CYP4F11: variants seen among roughly 807,000 people sequenced by gnomAD.
The protein encoded by CYP4F11 is cytochrome P450 4F11.
A neutral mutation model predicts 62.2 loss-of-function variants in CYP4F11; 79 were observed. The observed-to-expected ratio is 1.27, with a 90% CI of 1.06 to 1.53. The LOEUF (loss-of-function observed/expected upper bound fraction) is 1.53. Ranked by LOEUF, CYP4F11 falls within the 40% of genes most tolerant of loss-of-function variation. The pLI is 0.00. For missense variants in CYP4F11, 777 were observed against 680.5 expected, an observed-to-expected ratio of 1.14 and a Z score of -1.58; for synonymous variants, 290 against 263.7, an observed-to-expected ratio of 1.10 and a Z score of -0.97.
chr19:15,921,736 G>GA (rs1042332608), intron 8 of CYP4F11, among the ~76,000 whole-genome samples: 6 of 152,130 alleles, frequency 3.9e-5, no homozygotes, highest in South Asian at 2.1e-4. Context: ...GAAGATGTTT[G>GA]AAAAAACATG....
At position 15,934,423 on chromosome 19, in the gene CYP4F11, G is replaced by A. The variant is rs770160981; in HGVS notation, c.-15C>T. 4.0e-5 allele frequency: 65 copies of A among 1,611,128 alleles called. 2 individuals carry two copies. In the Admixed American group the frequency reaches 4.5e-4, roughly 11 times the overall value. On this transcript the variant is annotated 5_prime_UTR_variant, in exon 1 of 12. Transcript: ENST00000402119. ...AGCTGCGGCATCCTGCAGGGCAGAC[G>A]GGATGGAGGGTGGGATCCTGAGGCC... is the stretch of plus-strand genomic sequence containing the variant.
intron 4 of CYP4F11, among the ~76,000 whole-genome samples, chr19:15,925,701 T>TAC (rs1343538996): frequency 7.3e-6 from 1 of 136,648 alleles, no homozygotes; most frequent in East Asian, 2.2e-4. Flanking sequence ...TATATATATA[T>TAC]ACACACACAT....
intron 8 of CYP4F11, among the ~76,000 whole-genome samples, chr19:15,915,903 A>C (rs1461930924): frequency 6.6e-6 from 1 of 151,910 alleles, no homozygotes; most frequent in Non-Finnish European, 1.5e-5. Flanking sequence ...AAGATAAAAG[A>C]TAAGATATTA....
At position 15,923,903 on chromosome 19, in the gene CYP4F11, C is replaced by G; in HGVS notation, c.827G>C (p.Cys276Ser). 6.2e-7 allele frequency: 1 copy of G among 1,614,142 alleles called. No homozygotes were observed. The highest frequency in any genetic ancestry group is 8.5e-7 in the Non-Finnish European group (1 of 1,180,040). ...FTDAVIQERRCTLPTQGIDDF... is the reference protein window; with the variant it reads ...FTDAVIQERRSTLPTQGIDDF... The stretch of plus-strand genomic sequence containing the variant: ...ATCAATACCCTGAGTGGGGAGGGTG[C>G]AGCGCCGCTCCTGGATGACGGCATC... Residue 276 changes from cysteine (C) to serine (S), a missense_variant, in exon 6 of 12, where the codon TGC (cysteine) becomes TCC (serine). Cys to Ser is a moderately radical substitution (Grantham distance 112, BLOSUM62 -1). Transcript: ENST00000402119.
At chr19:15,922,882 C>A (rs1599375361) in intron 6 of CYP4F11, among the ~76,000 whole-genome samples, 1 of 135,468 alleles carries the variant, frequency 7.4e-6, no homozygotes, top group East Asian at 2.0e-4. Flanking sequence ...GGAGAAACCC[C>A]GTCCCTACTA....
chr19:15,914,459 G>A, intron 10 of CYP4F11, 72 bp from the exon 11 acceptor site: 3 of 1,564,354 alleles, frequency 1.9e-6, no homozygotes, highest in Admixed American at 1.7e-5. Flanking sequence ...TTGTCTCCAA[G>A]ACCCCCGGCC....
At position 15,922,166 on chromosome 19, in the gene CYP4F11, C is replaced by A. The variant is rs541081186; in HGVS notation, c.986G>T (p.Gly329Val). The A allele has an allele frequency of 3.1e-6, 5 of 1,607,862 alleles. No homozygotes were observed. The South Asian group carries it at 4.4e-5, about 14-fold the overall frequency. Reference protein sequence around the residue: ...RAEADTFMFEGHDTTASGLSW... With the variant: ...RAEADTFMFEVHDTTASGLSW... ...GAGACCACTGGCTGTAGTGTCATGG[C>A]CTGAGGGGCAGCCAAGCAAAACTGG... The change falls in exon 8 of 12, where the codon GGC becomes GTC. Residue 329 changes from glycine to valine, a missense_variant and splice_region_variant. Coordinates refer to ENST00000402119, the MANE Select transcript of CYP4F11 (RefSeq NM_021187.4).
At position 15,914,382 on chromosome 19, in the gene CYP4F11, G is replaced by T. The variant is rs753047210; in HGVS notation, c.1320C>A (p.Tyr440Ter). Residue 440 changes from tyrosine (Y) to a stop codon, truncating the protein, a stop_gained, in exon 11 of 12, where the codon TAC (tyrosine) becomes TAA (stop). Transcript: ENST00000402119. LOFTEE classifies it high-confidence loss of function. ...NPTVWPDPEV[Y>*]DPFRFDQENI... ...TCTCTTGGTCGAAACGGAAGGGGTC[G>T]TAGACCTGCAGGTGAGACCAAGAAG... 1 of 1,613,814 alleles carries T rather than the reference G, an allele frequency of 6.2e-7. No individual in the cohort carries two copies. The highest frequency in any genetic ancestry group is 2.2e-5 in the East Asian group (1 of 44,872).
chr19:15,924,228 C>A, intron 5 of CYP4F11, 146 bp from the exon 6 acceptor site: 1 of 1,045,374 alleles, frequency 9.6e-7, no homozygotes, highest in Non-Finnish European at 1.4e-6. Flanking sequence ...CTGAGGCATT[C>A]CATCTCTGAG....
chr19:15,919,485 TAGATA>T (rs2089608250), intron 8 of CYP4F11, among the ~76,000 whole-genome samples: 1 of 108,578 alleles, frequency 9.2e-6, no homozygotes, highest in South Asian at 4.2e-4. Context: ...GATAGATAGA[TAGATA>T]GATAGATAGA....
chr19:15,926,437 A>G (rs2089669420), intron 4 of CYP4F11, among the ~76,000 whole-genome samples: 1 of 152,214 alleles, frequency 6.6e-6, no homozygotes, highest in Admixed American at 6.5e-5. Context: ...AAACATCCTA[A>G]GCACTTCACA....
chr19:15,923,551 G>A (rs2089645563), intron 6 of CYP4F11, among the ~76,000 whole-genome samples: 1 of 152,158 alleles, frequency 6.6e-6, no homozygotes. Context: ...TATAGACATA[G>A]ATAGATATGC....
At chr19:15,914,546 C>T in intron 10 of CYP4F11, 56 bp downstream of exon 10, 2 of 1,604,702 alleles carry the variant, frequency 1.2e-6, no homozygotes, top group Non-Finnish European at 1.7e-6. Flanking sequence ...ACCCTGTCAC[C>T]TCCTCTAGGA....
rs141241899 is a variant in CYP4F11, at chr19:15,934,393, G to A, written c.16C>T (p.Leu6=). Residue 6 remains leucine, a synonymous_variant, in exon 1 of 12, where the codon CTG becomes TTG. Coordinates refer to ENST00000402119, the MANE Select transcript of CYP4F11 (RefSeq NM_021187.4). MPQLS[L]SWLGLGPVAA... is the part of the protein sequence containing the mutation. ...ACGGGCCCGAGGCCCAGCCAGGACA[G>A]GCTCAGCTGCGGCATCCTGCAGGGC... 2.7e-5 allele frequency: 43 copies of A among 1,613,208 alleles called. No individual in the cohort carries two copies. Among genetic ancestry groups the A allele is most frequent in the Non-Finnish European group, 3.6e-5 (42 of 1,179,690 alleles).
chr19:15,913,522 A>T lies in CYP4F11; in HGVS notation c.*210T>A, dbSNP rs2089554153. On this transcript the variant is annotated 3_prime_UTR_variant, in exon 12 of 12. Transcript: ENST00000402119. ...TTTTACTTGGGCTCTGGGAGAACCC[A>T]CTAAGGGCCTAGATGCCCTGTGCTC... The T allele has an allele frequency of 1.6e-6, 1 of 611,746 alleles. No individual in the cohort carries two copies. The highest frequency in any genetic ancestry group is 1.9e-5 in the African/African-American group (1 of 53,932). The allele number at this position is 611,746 out of a possible 1,614,324, so 37.9% of individuals were successfully genotyped here.
intron 1 of CYP4F11, among the ~76,000 whole-genome samples, chr19:15,931,236 T>C (rs2089713295): frequency 6.6e-6 from 1 of 151,638 alleles, no homozygotes; most frequent in Non-Finnish European, 1.5e-5. Context: ...TGTCCCTGCG[T>C]ATGGAAAGGG....
chr19:15,931,585 G>C (rs917375300), intron 1 of CYP4F11, among the ~76,000 whole-genome samples: 1,375 of 106,416 alleles, frequency 0.013, 19 homozygotes, highest in Non-Finnish European at 0.018. Flanking sequence ...AGTGAGCGAG[G>C]AGAGGAATGA....
At position 15,924,876 on chromosome 19, in the gene CYP4F11, A is replaced by G; in HGVS notation, c.532T>C (p.Trp178Arg). ...CTGCCCTCTGAGGCCAGGCGCTGCC[A>G]CTTGTCCTGGCCAGAGAAAAAACAG... ...NKSVNIMHDK[W>R]QRLASEGSAR... is the part of the protein sequence containing the mutation. Residue 178 changes from tryptophan to arginine, a missense_variant, in exon 5 of 12, where the codon TGG becomes CGG. Physicochemically the swap from Trp to Arg is moderately radical, Grantham distance 101. Coordinates refer to ENST00000402119, the MANE Select transcript of CYP4F11 (RefSeq NM_021187.4). 1 of 1,610,952 alleles carries G rather than the reference A, an allele frequency of 6.2e-7. No individual in the cohort carries two copies. Among genetic ancestry groups the G allele is most frequent in the African/African-American group, 1.3e-5 (1 of 74,958 alleles).
chr19:15,913,077 A>G lies in CYP4F11; in HGVS notation c.*655T>C, dbSNP rs2089550484. On this transcript the variant is annotated 3_prime_UTR_variant, in exon 12 of 12. Coordinates refer to ENST00000402119, the MANE Select transcript of CYP4F11 (RefSeq NM_021187.4). ...TGATATAGGTAATGCTGTTGTCTCC[A>G]TTATATGGTTGAGGGAACCGAGGCA... The G allele has an allele frequency of 6.4e-6, 1 of 155,936 alleles. No individual in the cohort carries two copies. The highest frequency in any genetic ancestry group is 1.9e-4 in the South Asian group (1 of 5,162). 9.7% of individuals were successfully genotyped at this position (155,936 alleles called of 1,614,324 possible).
Sources: gnomAD v4.1 joint callset for allele counts (sites outside exome capture counted in the v4.1 genomes callset) on GRCh38, gnomAD v4.1.1 for gene constraint, MANE v1.5 for transcripts, NCBI Gene and HGNC (gene_info 2026-07-23, HGNC 2026-07-21) for gene names.